CPVL: variants seen among roughly 807,000 people sequenced by gnomAD.
The protein encoded by CPVL is probable serine carboxypeptidase CPVL.
Under a neutral mutation model 63.7 loss-of-function variants are expected in CPVL, and 51 were observed. That is an observed-to-expected ratio of 0.80 (90% CI 0.64 to 1.01). The LOEUF (loss-of-function observed/expected upper bound fraction) is 1.01. Among genes scored for constraint, CPVL ranks in the 50% least tolerant of loss-of-function variants. The pLI, the probability that CPVL is intolerant of heterozygous loss-of-function variation, is 0.00. For missense variants in CPVL, 530 were observed against 573.1 expected, an observed-to-expected ratio of 0.92 and a Z score of 0.77; for synonymous variants, 195 against 206.0, an observed-to-expected ratio of 0.95 and a Z score of 0.46.
intron 5 of CPVL, among the ~76,000 whole-genome samples, chr7:29,178,085 T>G (rs1386384443): frequency 1.3e-5 from 2 of 152,168 alleles, no homozygotes; most frequent in Non-Finnish European, 2.9e-5. Context: ...GTTGTCAGAT[T>G]CTACCCTAAG....
chr7:29,104,193 C>A (rs963694794), intron 3 of CPVL, among the ~76,000 whole-genome samples: 3 of 152,212 alleles, frequency 2.0e-5, no homozygotes, highest in Non-Finnish European at 4.4e-5. Context: ...TGACTACTCA[C>A]CAAATCTTCC....
At chr7:29,166,883 T>C (rs1246632197) in intron 5 of CPVL, among the ~76,000 whole-genome samples, 1 of 152,144 alleles carries the variant, frequency 6.6e-6, no homozygotes, top group East Asian at 1.9e-4. Flanking sequence ...ATATTTATAA[T>C]AGTTCTTTTA....
At chr7:29,095,937 C>T (rs1786360108) in intron 4 of CPVL, among the ~76,000 whole-genome samples, 166 bp downstream of exon 4, 1 of 152,112 alleles carries the variant, frequency 6.6e-6, no homozygotes, top group African/African-American at 2.4e-5. Flanking sequence ...ACACTCACCC[C>T]GAGGCTCCTC....
intron 11 of CPVL, among the ~76,000 whole-genome samples, chr7:29,053,612 AT>A (rs1271663841): frequency 6.6e-6 from 1 of 152,112 alleles, no homozygotes; most frequent in Non-Finnish European, 1.5e-5. Flanking sequence ...TGAATAGGGG[AT>A]TTTTTCTTTT....
chr7:29,194,515 C>CGGCGGGAGA, intron 1 of CPVL: 1 of 169,438 alleles, frequency 5.9e-6, no homozygotes. Flanking sequence ...ACTCGAAGTG[C>CGGCGGGAGA]GGCGGGAGAG....
intron 12 of CPVL, among the ~76,000 whole-genome samples, chr7:29,016,979 T>A (rs558930674): frequency 1.3e-3 from 196 of 152,328 alleles, no homozygotes; most frequent in African/African-American, 4.3e-3. Flanking sequence ...CATCCTAAAG[T>A]TACCATTATA....
chr7:29,108,103 C>T (rs112608491), intron 3 of CPVL, among the ~76,000 whole-genome samples: 2,458 of 152,330 alleles, frequency 0.016, 67 homozygotes, highest in East Asian at 0.098. Flanking sequence ...GTTGCCCCAG[C>T]ACCTCACGGG....
At chr7:29,066,616 C>T (rs893039555) in intron 9 of CPVL, among the ~76,000 whole-genome samples, 1 of 152,178 alleles carries the variant, frequency 6.6e-6, no homozygotes, top group Non-Finnish European at 1.5e-5. Context: ...ACACAGTAAG[C>T]TCAAAGGCCT....
intron 11 of CPVL, among the ~76,000 whole-genome samples, chr7:29,036,511 T>C (rs1018991142): frequency 6.6e-6 from 1 of 152,230 alleles, no homozygotes. Context: ...AGGCCGACTG[T>C]AGGAAGAAAT....
Position 29,060,666 on chromosome 7 carries a change from G to C in CPVL, c.1137+3395C>G, listed in dbSNP as rs1476012335. ...TACATAGAAACTAACGTAGTTTACA[G>C]AGAAGCTAATTTTTATACAGAAACT... On this transcript the variant is annotated intron_variant, in intron 11 of 12. Transcript: ENST00000265394. Among the ~76,000 whole-genome samples the C allele has an allele frequency of 4.6e-5, 7 of 152,196 alleles. No homozygotes were observed. In the East Asian group the frequency reaches 1.4e-3, roughly 29 times the overall value.
At chr7:29,029,123 A>G (rs898906271) in intron 12 of CPVL, among the ~76,000 whole-genome samples, 1 of 152,228 alleles carries the variant, frequency 6.6e-6, no homozygotes, top group Non-Finnish European at 1.5e-5. Context: ...CATTGGAGTT[A>G]TAATGGCTAT....
intron 1 of CPVL, among the ~76,000 whole-genome samples, chr7:29,140,197 T>G (rs570937932): frequency 7.2e-5 from 11 of 152,148 alleles, no homozygotes; most frequent in African/African-American, 2.7e-4. Flanking sequence ...CCCGGCACTT[T>G]AGGAGGCCGA....
chr7:29,037,685 G>C (rs1788686957), intron 11 of CPVL, among the ~76,000 whole-genome samples: 1 of 152,166 alleles, frequency 6.6e-6, no homozygotes, highest in African/African-American at 2.4e-5. Flanking sequence ...GTTACCTATG[G>C]ATTAGAATTG....
Position 29,162,070 on chromosome 7 carries a change from T to C in CPVL, c.-11+19220A>G, listed in dbSNP as rs576073812. Among the ~76,000 whole-genome samples the C allele has an allele frequency of 1.5e-3, 223 of 152,362 alleles. 1 individual carries two copies. The highest frequency in any genetic ancestry group is 5.2e-3 in the African/African-American group (216 of 41,592). On this transcript the variant is annotated intron_variant, in intron 5 of 16. Transcript: ENST00000409850. Reference sequence around the variant, plus strand: ...GGAAACTGGATCTCTCAGACATCGCTGGTGGCAATGTTAAACAGTACAGCC... The same window carrying C: ...GGAAACTGGATCTCTCAGACATCGCCGGTGGCAATGTTAAACAGTACAGCC...
chr7:29,101,803 CAT>C (rs1179454531), intron 3 of CPVL, among the ~76,000 whole-genome samples: 2 of 152,118 alleles, frequency 1.3e-5, no homozygotes, highest in Non-Finnish European at 2.9e-5. Context: ...TACACATACA[CAT>C]ATAGACATAT....
At chr7:29,166,833 TTG>T (rs1026568445) in intron 5 of CPVL, among the ~76,000 whole-genome samples, 55 of 152,266 alleles carry the variant, frequency 3.6e-4, no homozygotes, top group African/African-American at 1.2e-3. Context: ...TCTCTATTTT[TTG>T]TTTTTCTATT....
At chr7:29,145,030 G>T (rs1298525466) in intron 1 of CPVL, among the ~76,000 whole-genome samples, 1 of 151,438 alleles carries the variant, frequency 6.6e-6, no homozygotes, top group Non-Finnish European at 1.5e-5. Context: ...ATAAAGGGTT[G>T]CCCCTGTACT....
chr7:29,104,234 T>C lies in CPVL; in HGVS notation c.289-8017A>G, dbSNP rs143269759. The stretch of plus-strand genomic sequence containing the variant: ...TATGACTGCTGCCATGGCACCATCA[T>C]ACAGAAAATTAATTTTTTCAAAATC... On this transcript the variant is annotated intron_variant, in intron 3 of 12. Transcript: ENST00000265394. Among the ~76,000 whole-genome samples the C allele has an allele frequency of 2.8e-3, 432 of 152,308 alleles. 2 individuals are homozygous for C. Among genetic ancestry groups the C allele is most frequent in the African/African-American group, 8.9e-3 (371 of 41,576 alleles).
intron 5 of CPVL, among the ~76,000 whole-genome samples, chr7:29,171,443 C>T (rs574858313): frequency 3.3e-5 from 5 of 152,204 alleles, no homozygotes; most frequent in East Asian, 1.9e-4. Flanking sequence ...TTAGAAGGAG[C>T]GCCACACCTC....
Sources: gnomAD v4.1 joint callset for allele counts (sites outside exome capture counted in the v4.1 genomes callset) on GRCh38, gnomAD v4.1.1 for gene constraint, MANE v1.5 for transcripts, NCBI Gene and HGNC (gene_info 2026-07-23, HGNC 2026-07-21) for gene names.